Variants in AATK observed in about 807,000 individuals in gnomAD.
AATK encodes the protein lemur tail kinase 1, also known as serine/threonine-protein kinase LMTK1.
A neutral mutation model predicts 114.3 loss-of-function variants in AATK; 91 were observed. That is an observed-to-expected ratio of 0.80 (90% CI 0.67 to 0.95). AATK has a LOEUF of 0.95. Ranked by LOEUF, AATK falls within the 40% of genes least tolerant of loss-of-function variation. The pLI, the probability that AATK is intolerant of heterozygous loss-of-function variation, is 0.00. For synonymous variants in AATK, 1,075 were observed against 916.5 expected (o/e 1.17, Z -3.12); for missense variants, 2,176 against 1,965.2 (o/e 1.11, Z -2.03).
At chr17:81,153,472 T>A (rs1285887981) in intron 1 of AATK, among the ~76,000 whole-genome samples, 1 of 152,216 alleles carries the variant, frequency 6.6e-6, no homozygotes, top group Non-Finnish European at 1.5e-5. Context: ...ATGCGTCATT[T>A]GCCTGCGTGG....
At position 81,120,356 on chromosome 17, in the gene AATK, C is replaced by T. The variant is rs745803589; in HGVS notation, c.3580G>A (p.Val1194Met). 1 of 1,609,882 alleles carries T rather than the reference C, an allele frequency of 6.2e-7. No homozygotes were observed. Among genetic ancestry groups the T allele is most frequent in the Non-Finnish European group, 8.5e-7 (1 of 1,179,040 alleles). The part of the protein sequence containing the change: ...SEDSEEEAPA[V>M]PVVVAESQSA... ...TGGCTCTCAGCCACCACCACGGGCA[C>T]CGCCGGCGCCTCCTCTTCGCTGTCC... is the stretch of plus-strand genomic sequence containing the variant. The change falls in exon 11 of 14, where the codon GTG becomes ATG. Residue 1194 changes from valine (V) to methionine (M), a missense_variant. Physicochemically the swap from Val to Met is conservative, Grantham distance 21. This residue lies in a region of AATK where 1,701 missense variants were observed against 1,394.7 expected (regional missense o/e 1.22). Coordinates refer to ENST00000326724, the MANE Select transcript of AATK (RefSeq NM_001080395.3).
At chr17:81,148,812 G>A (rs1222641313) in intron 1 of AATK, among the ~76,000 whole-genome samples, 1 of 151,424 alleles carries the variant, frequency 6.6e-6, no homozygotes, top group Non-Finnish European at 1.5e-5. Flanking sequence ...ACACTCACGC[G>A]CACACTCACG....
chr17:81,126,538 C>T lies in AATK; in HGVS notation c.644G>A (p.Arg215Gln), dbSNP rs1412609735. ...CATGGACTCCGCCACCCGGCAGCTCCGCAGGTAGCCCTTGAGGTCCCCCTG... is the reference window on the plus strand; with the variant it reads ...CATGGACTCCGCCACCCGGCAGCTCTGCAGGTAGCCCTTGAGGTCCCCCTG... Reference protein sequence around the residue: ...CPLGDLKGYLRSCRVAESMAP... With the variant: ...CPLGDLKGYLQSCRVAESMAP... Residue 215 changes from arginine to glutamine, a missense_variant, in exon 7 of 14, where the codon CGG (arginine) becomes CAG (glutamine). Arg to Gln is a conservative substitution (Grantham distance 43, BLOSUM62 1). Transcript: ENST00000326724. This position sits in a 1 kb window ranked among gnomAD's most constrained non-coding sequence, Gnocchi z 5.1. 2 of 1,547,162 alleles carry T rather than the reference C, an allele frequency of 1.3e-6. No homozygotes were observed. The highest frequency in any genetic ancestry group is 1.7e-6 in the Non-Finnish European group (2 of 1,144,428).
At chr17:81,133,262 C>A (rs1157435567) in intron 2 of AATK, 3 of 479,358 alleles carry the variant, frequency 6.3e-6, no homozygotes, top group Non-Finnish European at 1.3e-5. Flanking sequence ...TTAGAAAAGG[C>A]AAAAAGGCCA....
At chr17:81,127,726 G>A (rs113314481) in intron 5 of AATK, 56 bp from the exon 6 acceptor site, 32,763 of 1,528,828 alleles carry the variant, frequency 0.021, 521 homozygotes, top group Non-Finnish European at 0.024. Context: ...GGGGGAGTCG[G>A]GCCGAGCAGG....
rs551506456 is a variant in AATK at position 81,126,953 on chromosome 17, G to A, written c.622-393C>T. Reference sequence around the variant, plus strand: ...GACGGTCAACGTCAGGAGTCCAGACGCCAGTGTGTGAGGGCCCCTGTCCCG... The same window carrying A: ...GACGGTCAACGTCAGGAGTCCAGACACCAGTGTGTGAGGGCCCCTGTCCCG... On this transcript the variant is annotated intron_variant, in intron 6 of 13. Transcript: ENST00000326724. The surrounding 1 kb of genome is among the most constrained non-coding windows in gnomAD (Gnocchi z 5.1). 27 of 645,676 alleles carry A rather than the reference G, an allele frequency of 4.2e-5. No individual in the cohort carries two copies. In the East Asian group the frequency reaches 1.9e-3, roughly 45 times the overall value. The allele number at this position is 645,676 out of a possible 1,614,324, so 40.0% of individuals were successfully genotyped here.
rs554671129 is a variant in AATK at position 81,138,341 on chromosome 17, C to A, written c.56-3840G>T. Among the ~76,000 whole-genome samples the A allele has an allele frequency of 9.3e-5, 13 of 139,974 alleles. No individual in the cohort carries two copies. In the South Asian group the frequency reaches 2.8e-3, roughly 30 times the overall value. The allele number at this position is 139,974 out of a possible 152,430, so 91.8% of individuals were successfully genotyped here. A position where few individuals can be genotyped will look rare whatever the true frequency, so the allele number is the denominator to read the frequency against. ...TGCACACATACCCACACATGCACAC[C>A]CACACATACCCACGCACACACACTC... On this transcript the variant is annotated intron_variant, in intron 1 of 13. Transcript: ENST00000326724.
At chr17:81,137,715 ACCT>A (rs976349567) in intron 1 of AATK, among the ~76,000 whole-genome samples, 8 of 152,066 alleles carry the variant, frequency 5.3e-5, no homozygotes. Context: ...ATGCACACAC[ACCT>A]CATGACAACG....
intron 1 of AATK, among the ~76,000 whole-genome samples, chr17:81,156,114 G>T (rs1007607399): frequency 6.8e-5 from 7 of 103,394 alleles, no homozygotes; most frequent in Non-Finnish European, 1.3e-4. Context: ...TACAATGTAT[G>T]TTACTATGTT....
rs2060688779 is a variant in AATK, at chr17:81,120,718, G to A, written c.3218C>T (p.Pro1073Leu). The A allele has an allele frequency of 3.9e-6, 6 of 1,552,758 alleles. No individual in the cohort carries two copies. The highest frequency in any genetic ancestry group is 5.2e-6 in the Non-Finnish European group (6 of 1,147,910). ...EGSSPEPSTC[P>L]SGLVPEPPEP... ...CGGAGGCTCTGGGACCAGGCCCGAG[G>A]GGCAGGTGCTGGGCTCTGGGGAGGA... The change falls in exon 11 of 14, where the codon CCC (proline) becomes CTC (leucine). Residue 1073 changes from proline (P) to leucine (L), a missense_variant. By Grantham distance (98) the Pro-to-Leu change is moderately conservative. This residue lies in a region of AATK where 1,701 missense variants were observed against 1,394.7 expected (regional missense o/e 1.22). Coordinates refer to ENST00000326724, the MANE Select transcript of AATK (RefSeq NM_001080395.3).
intron 1 of AATK, among the ~76,000 whole-genome samples, chr17:81,151,668 A>T (rs1427415672): frequency 2.6e-5 from 4 of 152,138 alleles, no homozygotes; most frequent in African/African-American, 9.7e-5. Flanking sequence ...ATCCCAAAAG[A>T]CACCGTCTCA....
At chr17:81,133,457 T>G (rs2060966064) in intron 2 of AATK, 1 of 301,086 alleles carries the variant, frequency 3.3e-6, no homozygotes, top group Non-Finnish European at 6.6e-6. Flanking sequence ...CAGGGTGCTG[T>G]GCGCGCTGCA....
At position 81,120,622 on chromosome 17, in the gene AATK, G is replaced by C. The variant is rs1368391680; in HGVS notation, c.3314C>G (p.Pro1105Arg). The change falls in exon 11 of 14, where the codon CCG (proline) becomes CGG (arginine). Residue 1105 changes from proline to arginine, a missense_variant. Around this residue, in one of 4 missense-constraint regions of AATK, gnomAD observed 1,701 missense variants for 1,394.7 expected, o/e 1.22. Transcript: ENST00000326724. ...PSCSQFFLLTPVPLRSEGNSS... is the reference protein window; with the variant it reads ...PSCSQFFLLTRVPLRSEGNSS... ...GTTGCCTTCTGATCTCAGCGGAACC[G>C]GGGTCAGCAGGAAAAACTGGGAGCA... 3.9e-6 allele frequency: 6 copies of C among 1,544,906 alleles called. No individual in the cohort carries two copies. Among genetic ancestry groups the C allele is most frequent in the African/African-American group, 1.4e-5 (1 of 72,528 alleles).
At chr17:81,152,200 C>A (rs2061307839) in intron 1 of AATK, among the ~76,000 whole-genome samples, 1 of 152,172 alleles carries the variant, frequency 6.6e-6, no homozygotes, top group African/African-American at 2.4e-5. Flanking sequence ...ATCGTTTGAA[C>A]CCAGGAGGCA....
At position 81,159,811 on chromosome 17, in the gene AATK, C is replaced by A. The variant is rs988384977; in HGVS notation, c.55+6127G>T. Among the ~76,000 whole-genome samples, 3 of 152,140 alleles carry A rather than the reference C, an allele frequency of 2.0e-5. No homozygotes were observed. In the East Asian group the frequency reaches 5.8e-4, roughly 29 times the overall value. On this transcript the variant is annotated intron_variant, in intron 1 of 13. Coordinates refer to ENST00000326724, the MANE Select transcript of AATK (RefSeq NM_001080395.3). ...AGAGGTGACTCGGCAGAGCCCTGGT[C>A]CCGGACCAGCTCCCCTGCCCCCCAG...
rs1429292645 is a variant in AATK at position 81,120,530 on chromosome 17, G to A, written c.3406C>T (p.Pro1136Ser). 5 of 1,484,052 alleles carry A rather than the reference G, an allele frequency of 3.4e-6. No homozygotes were observed. In the Admixed American group the frequency reaches 1.3e-4, roughly 37 times the overall value. The allele number at this position is 1,484,052 out of a possible 1,614,324, so 91.9% of individuals were successfully genotyped here. A position where few individuals can be genotyped will look rare whatever the true frequency, so the allele number is the denominator to read the frequency against. ...GPAPQKRMGG[P>S]GTPRAPLRLA... Reference sequence around the variant, plus strand: ...CGGAGTGGGGCTCTGGGGGTGCCTGGGCCCCCCATCCGCTTTTGTGGGGCC... The same window carrying A: ...CGGAGTGGGGCTCTGGGGGTGCCTGAGCCCCCCATCCGCTTTTGTGGGGCC... Residue 1136 changes from proline (P) to serine (S), a missense_variant, in exon 11 of 14, where the codon CCA (proline) becomes TCA (serine). Transcript: ENST00000326724.
At chr17:81,148,064 C>CAAAAAAA (rs35731140) in intron 1 of AATK, among the ~76,000 whole-genome samples, 60 of 101,752 alleles carry the variant, frequency 5.9e-4, no homozygotes, top group Non-Finnish European at 6.9e-4. Context: ...ACAACTTTGT[C>CAAAAAAA]AAAAAAAAAA....
Position 81,120,194 on chromosome 17 carries a change from G to A in AATK, c.3735+7C>T, listed in dbSNP as rs759354596. On this transcript the variant is annotated splice_region_variant and intron_variant, in intron 11 of 13. Transcript: ENST00000326724. ...CCCCGGGCAGACCCCGGGTGGCGGC[G>A]GCCCACCTGGTCAAAGAGGTAGACG... 9 of 1,559,352 alleles carry A rather than the reference G, an allele frequency of 5.8e-6. No homozygotes were observed. The highest frequency in any genetic ancestry group is 2.3e-5 in the East Asian group (1 of 43,558).
intron 2 of AATK, 74 bp downstream of exon 2, chr17:81,134,294 G>C: frequency 1.3e-6 from 2 of 1,568,516 alleles, no homozygotes; most frequent in Non-Finnish European, 1.7e-6. Context: ...AAGGAGGGAA[G>C]CTCAGGGTCA....
Sources: gnomAD v4.1 joint callset for allele counts (sites outside exome capture counted in the v4.1 genomes callset) on GRCh38, gnomAD v4.1.1 for gene constraint, gnomAD v4.1.1 regional missense constraint, Gnocchi (gnomAD v3.1) non-coding constraint, MANE v1.5 for transcripts, NCBI Gene and HGNC (gene_info 2026-07-23, HGNC 2026-07-21) for gene names.